The following CHIC2 variants were observed in gnomAD, a reference collection of about 807,000 sequenced individuals.
The protein encoded by CHIC2 is cysteine rich hydrophobic domain 2.
A neutral mutation model predicts 25.9 loss-of-function variants in CHIC2; 14 were observed. The ratio of observed to expected loss-of-function variants is 0.54; its 90% CI spans 0.36 to 0.85. The LOEUF is 0.85. CHIC2 is among the 40% of genes least tolerant of loss of function. The probability of loss-of-function intolerance (pLI) is 0.01; values close to 1 mark genes in which losing one functional copy is unlikely to be tolerated. For synonymous variants in CHIC2, 70 were observed against 72.0 expected, an observed-to-expected ratio of 0.97 and a Z score of 0.14; for missense variants, 146 against 202.0, an observed-to-expected ratio of 0.72 and a Z score of 1.68.
chr4:54,042,442 T>C (rs1299304367), intron 3 of CHIC2, among the ~76,000 whole-genome samples: 2 of 152,196 alleles, frequency 1.3e-5, no homozygotes, highest in African/African-American at 4.8e-5. Context: ...TCATTTACCT[T>C]TGTTTTCTAA....
intron 3 of CHIC2, among the ~76,000 whole-genome samples, chr4:54,047,995 A>G (rs1020798373): frequency 1.3e-5 from 2 of 152,032 alleles, no homozygotes; most frequent in African/African-American, 2.4e-5. Context: ...AATTTTGTTT[A>G]TTTGTTTGTT....
chr4:54,024,603 C>T (rs1056445765), intron 3 of CHIC2, among the ~76,000 whole-genome samples: 8 of 152,042 alleles, frequency 5.3e-5, no homozygotes, highest in African/African-American at 1.9e-4. Context: ...AAAAAGGGGA[C>T]TCCGTATATT....
chr4:54,043,200 T>C lies in CHIC2; in HGVS notation c.330+5755A>G, dbSNP rs867390081. 1.2e-3 allele frequency among the ~76,000 whole-genome samples: 184 copies of C among 152,130 alleles called. 3 individuals carry two copies. The highest frequency in any genetic ancestry group is 6.8e-3 in the Middle Eastern group (2 of 294). ...ACTTTGGGAGGCCGAGGCGGATGGA[T>C]CACGAGGTCAGGAGATTGAGACCAT... On this transcript the variant is annotated intron_variant, in intron 3 of 5. Coordinates refer to ENST00000263921, the MANE Select transcript of CHIC2 (RefSeq NM_012110.4).
At chr4:54,076,986 A>C in the CHIC2 span, 1 of 152,162 alleles carries the variant, frequency 6.6e-6, no homozygotes, top group African/African-American at 2.4e-5. Context: ...AATTTAAAAA[A>C]AGAAACTGAG....
At chr4:54,073,001 G>A in the CHIC2 span, among the ~76,000 whole-genome samples, 2 of 152,042 alleles carry the variant, frequency 1.3e-5, no homozygotes, top group South Asian at 2.1e-4. Context: ...CCAGGAGGCC[G>A]AGCTTGCAGT....
intron 3 of CHIC2, among the ~76,000 whole-genome samples, chr4:54,022,043 G>T (rs1189225826): frequency 6.6e-6 from 1 of 152,050 alleles, no homozygotes; most frequent in East Asian, 1.9e-4. Context: ...AGCTGCCAGG[G>T]GTTCCTCCAG....
intron 3 of CHIC2, among the ~76,000 whole-genome samples, chr4:54,032,886 TAATCCCC>T: frequency 6.6e-6 from 1 of 152,206 alleles, no homozygotes; most frequent in Admixed American, 6.5e-5. Flanking sequence ...TGTTGAAATG[TAATCCCC>T]AGTGTTGGAG....
chr4:54,078,359 C>T, the CHIC2 span, among the ~76,000 whole-genome samples: 1 of 152,170 alleles, frequency 6.6e-6, no homozygotes. Flanking sequence ...CATTAGAGAA[C>T]AGTTCCACAA....
At chr4:54,069,777 T>A in the CHIC2 span, among the ~76,000 whole-genome samples, 49 of 152,350 alleles carry the variant, frequency 3.2e-4, no homozygotes, top group African/African-American at 1.0e-3. Flanking sequence ...CAGCCCAAGC[T>A]GACTTGAGAA....
At chr4:54,011,304 C>G (rs1715578963) in intron 5 of CHIC2, among the ~76,000 whole-genome samples, 1 of 152,090 alleles carries the variant, frequency 6.6e-6, no homozygotes, top group Admixed American at 6.6e-5. Context: ...CTGTCCTACT[C>G]TAGGTATCCT....
At chr4:54,054,695 T>A (rs1717120807) in intron 1 of CHIC2, among the ~76,000 whole-genome samples, 1 of 152,210 alleles carries the variant, frequency 6.6e-6, no homozygotes, top group Non-Finnish European at 1.5e-5. Flanking sequence ...AGCTAATCCC[T>A]GGGCTGGGTA....
At chr4:54,091,173 C>G in the CHIC2 span, among the ~76,000 whole-genome samples, 12 of 152,134 alleles carry the variant, frequency 7.9e-5, no homozygotes, top group African/African-American at 2.9e-4. Flanking sequence ...AGTGTCCAGG[C>G]TTCTACATGG....
At position 54,064,522 on chromosome 4, in the gene CHIC2, A is replaced by G. The variant is rs975213090; in HGVS notation, c.-222T>C. The G allele has an allele frequency of 1.4e-5, 20 of 1,400,290 alleles. No homozygotes were observed. The highest frequency in any genetic ancestry group is 1.8e-5 in the Non-Finnish European group (20 of 1,083,618). The allele number at this position is 1,400,290 out of a possible 1,614,324, so 86.7% of individuals were successfully genotyped here. On this transcript the variant is annotated 5_prime_UTR_variant, in exon 1 of 6. Coordinates refer to ENST00000263921, the MANE Select transcript of CHIC2 (RefSeq NM_012110.4). This position sits in a 1 kb window ranked among gnomAD's most constrained non-coding sequence, Gnocchi z 4.2. ...TTACCATCAGCAATAACAACAACAC[A>G]ATGTCAACATCCGCCCAGAGGCCGA...
In CHIC2 at chr4:54,010,023, C is replaced by G; in HGVS notation, c.*72G>C. 1 of 1,002,408 alleles carries G rather than the reference C, an allele frequency of 1.0e-6. No individual in the cohort carries two copies. The allele number at this position is 1,002,408 out of a possible 1,614,324, so 62.1% of individuals were successfully genotyped here. A position where few individuals can be genotyped will look rare whatever the true frequency, so the allele number is the denominator to read the frequency against. ...CTGTAGAACCAATGTTATGTCACCA[C>G]CAGGAGAGCACCAAGCAAGGCACCA... On this transcript the variant is annotated 3_prime_UTR_variant, in exon 6 of 6. Transcript: ENST00000263921.
intron 1 of CHIC2, among the ~76,000 whole-genome samples, chr4:54,052,637 G>A (rs185081375): frequency 1.4e-3 from 210 of 152,182 alleles, no homozygotes; most frequent in African/African-American, 4.9e-3. Context: ...GTAACACTTG[G>A]ATAATTTTTA....
chr4:54,039,422 C>T (rs1233858626), intron 3 of CHIC2, among the ~76,000 whole-genome samples: 2 of 152,110 alleles, frequency 1.3e-5, no homozygotes, highest in Non-Finnish European at 2.9e-5. Flanking sequence ...TCAATGAACA[C>T]TTTAACAAAG....
At chr4:54,038,261 T>C (rs1333137897) in intron 3 of CHIC2, among the ~76,000 whole-genome samples, 1 of 152,168 alleles carries the variant, frequency 6.6e-6, no homozygotes, top group Non-Finnish European at 1.5e-5. Context: ...ATTTAATAAG[T>C]GAATTTGGCA....
chr4:54,062,602 A>G (rs768816742), intron 1 of CHIC2, among the ~76,000 whole-genome samples: 13 of 152,176 alleles, frequency 8.5e-5, no homozygotes, highest in Non-Finnish European at 1.6e-4. Context: ...CTTGCCCAAC[A>G]AAGTGCTTAG....
At chr4:54,049,690 C>A (rs530415549) in intron 1 of CHIC2, among the ~76,000 whole-genome samples, 1 of 151,816 alleles carries the variant, frequency 6.6e-6, no homozygotes, top group East Asian at 1.9e-4. Context: ...ACAAACAATA[C>A]CTGTGAATTT....
Sources: gnomAD v4.1 joint callset for allele counts (sites outside exome capture counted in the v4.1 genomes callset) on GRCh38, gnomAD v4.1.1 for gene constraint, Gnocchi (gnomAD v3.1) non-coding constraint, MANE v1.5 for transcripts, NCBI Gene and HGNC (gene_info 2026-07-23, HGNC 2026-07-21) for gene names.